Variants in SAMSN1 observed in about 807,000 individuals in gnomAD.
SAMSN1 encodes SAM domain, SH3 domain and nuclear localization signals 1.
SAMSN1 carries 31 observed loss-of-function variants against 42.0 expected under a neutral mutation model. That is an observed-to-expected ratio of 0.74 (90% CI 0.55 to 1.00). SAMSN1 has a LOEUF of 1.00. SAMSN1 is among the 50% of genes least tolerant of loss of function. The probability of loss-of-function intolerance (pLI) is 0.00; values close to 1 mark genes in which losing one functional copy is unlikely to be tolerated. For missense variants in SAMSN1, 464 were observed against 439.4 expected (o/e 1.06, Z -0.50); for synonymous variants, 178 against 151.9 (o/e 1.17, Z -1.26).
intron 2 of SAMSN1, among the ~76,000 whole-genome samples, chr21:14,564,594 T>C (rs1036465744): frequency 3.3e-5 from 5 of 152,094 alleles, no homozygotes; most frequent in Admixed American, 6.5e-5. Flanking sequence ...CACAAGATAA[T>C]TAGTGGAGAA....
chr21:14,535,633 A>ATTAGGGTAGGAC (rs1979558317), intron 1 of SAMSN1, among the ~76,000 whole-genome samples: 1 of 152,190 alleles, frequency 6.6e-6, no homozygotes, highest in African/African-American at 2.4e-5. Flanking sequence ...AAAAAATGTG[A>ATTAGGGTAGGAC]CCATTAGGGT....
chr21:14,634,052 T>C (rs1027704390), intron 2 of SAMSN1, among the ~76,000 whole-genome samples: 5 of 152,036 alleles, frequency 3.3e-5, no homozygotes, highest in African/African-American at 4.8e-5. Flanking sequence ...AATATTTAAT[T>C]TTATTATTAT....
At chr21:14,570,465 G>C (rs1413074094) in intron 2 of SAMSN1, among the ~76,000 whole-genome samples, 1 of 152,170 alleles carries the variant, frequency 6.6e-6, no homozygotes, top group Non-Finnish European at 1.5e-5. Context: ...CACTATGGTG[G>C]CTATGAGTTT....
intron 1 of SAMSN1, among the ~76,000 whole-genome samples, chr21:14,543,981 A>G (rs1980216041): frequency 6.6e-6 from 1 of 152,212 alleles, no homozygotes. Flanking sequence ...TCTTCAGTAA[A>G]TGAAAGGATT....
At chr21:14,487,564 T>C (rs1324759732) in intron 7 of SAMSN1, among the ~76,000 whole-genome samples, 1 of 152,114 alleles carries the variant, frequency 6.6e-6, no homozygotes, top group African/African-American at 2.4e-5. Flanking sequence ...TTGAAAAGTG[T>C]TACTTAAAAT....
At chr21:14,615,332 A>G (rs1982808284) in intron 3 of SAMSN1, among the ~76,000 whole-genome samples, 1 of 149,986 alleles carries the variant, frequency 6.7e-6, no homozygotes, top group Non-Finnish European at 1.5e-5. Flanking sequence ...AAAAAAAAGG[A>G]AAGAATATGA....
intron 7 of SAMSN1, among the ~76,000 whole-genome samples, chr21:14,588,609 T>G (rs1277562505): frequency 1.3e-5 from 2 of 152,246 alleles, no homozygotes; most frequent in Non-Finnish European, 2.9e-5. Flanking sequence ...CCTCTAGAAC[T>G]ATGCTCCAAA....
chr21:14,658,953 A>G (rs971376256), upstream of SAMSN1: 16 of 581,598 alleles, frequency 2.8e-5, no homozygotes, highest in African/African-American at 7.5e-5. Flanking sequence ...TGTTGAACAA[A>G]CAATTTCCTA....
rs189644466 is a variant in SAMSN1 at position 14,492,672 on chromosome 21, T to A, written c.919+5770A>T. ...ATCTGTGAACACTTTTCACTGGAAA[T>A]TTTCTGGTAGAAAAGTGAGAATCCT... On this transcript the variant is annotated intron_variant, in intron 7 of 7. Transcript: ENST00000400566. 4.2e-3 allele frequency among the ~76,000 whole-genome samples: 635 copies of A among 152,332 alleles called. 6 individuals are homozygous for A. Among genetic ancestry groups the A allele is most frequent in the African/African-American group, 0.015 (623 of 41,572 alleles).
intron 3 of SAMSN1, among the ~76,000 whole-genome samples, chr21:14,514,670 A>C (rs7282239): frequency 0.53 from 79,765 of 151,928 alleles, 21,274 homozygotes; most frequent in African/African-American, 0.61. Context: ...TTTTCTTCCT[A>C]TTTTTTATAT....
At chr21:14,621,227 A>G (rs1982994887) in intron 2 of SAMSN1, among the ~76,000 whole-genome samples, 1 of 152,220 alleles carries the variant, frequency 6.6e-6, no homozygotes, top group African/African-American at 2.4e-5. Flanking sequence ...AGCTCCCAGC[A>G]TGAGTGACAC....
chr21:14,632,048 AACT>A (rs1438124725), intron 2 of SAMSN1, among the ~76,000 whole-genome samples: 2 of 152,188 alleles, frequency 1.3e-5, no homozygotes, highest in African/African-American at 4.8e-5. Context: ...CACAGATGCT[AACT>A]TAAGACACTG....
At chr21:14,587,906 C>G (rs1981971079), upstream of SAMSN1, among the ~76,000 whole-genome samples, 1 of 109,970 alleles carries the variant, frequency 9.1e-6, no homozygotes, top group Admixed American at 1.1e-4. Flanking sequence ...CTCCCCCCAC[C>G]CCGCAACAGT....
At chr21:14,645,978 A>AAAAGAAC (rs1306638275) in intron 1 of SAMSN1, among the ~76,000 whole-genome samples, 12 of 152,178 alleles carry the variant, frequency 7.9e-5, no homozygotes, top group Admixed American at 4.6e-4. Flanking sequence ...AGACAAAAGA[A>AAAAGAAC]AAAAGAACAA....
chr21:14,541,323 T>TAA (rs34794481), intron 1 of SAMSN1, among the ~76,000 whole-genome samples: 1,546 of 145,312 alleles, frequency 0.011, 24 homozygotes, highest in African/African-American at 0.037. Flanking sequence ...CAAAATCCTG[T>TAA]AAAAAAAAAA....
At chr21:14,504,278 A>G (rs748577670) in intron 5 of SAMSN1, among the ~76,000 whole-genome samples, 1 of 152,210 alleles carries the variant, frequency 6.6e-6, no homozygotes, top group South Asian at 2.1e-4. Context: ...CCTTAAAAAG[A>G]ATTCAGGAGG....
chr21:14,650,125 A>G (rs1456293876), intron 1 of SAMSN1, among the ~76,000 whole-genome samples: 3 of 152,128 alleles, frequency 2.0e-5, no homozygotes, highest in Admixed American at 2.0e-4. Context: ...TCAGCTTAGA[A>G]AAGATCTTCC....
intron 7 of SAMSN1, among the ~76,000 whole-genome samples, chr21:14,492,122 G>C (rs1986715845): frequency 6.6e-6 from 1 of 152,018 alleles, no homozygotes; most frequent in Admixed American, 6.6e-5. Flanking sequence ...TTTTTAGTTA[G>C]TATTTTTGTG....
chr21:14,530,670 T>C (rs1034598395), intron 1 of SAMSN1, among the ~76,000 whole-genome samples: 1 of 152,212 alleles, frequency 6.6e-6, no homozygotes, highest in Non-Finnish European at 1.5e-5. Flanking sequence ...CGATGTTTCA[T>C]GAAGAGCTGT....
Sources: allele counts gnomAD v4.1 joint callset (sites outside exome capture counted in the v4.1 genomes callset), GRCh38; gene constraint gnomAD v4.1.1; transcripts MANE v1.5; gene names NCBI Gene and HGNC (gene_info 2026-07-23, HGNC 2026-07-21).